The following LITAF variants were observed in gnomAD, a reference collection of about 807,000 sequenced individuals.
LITAF encodes the protein lipopolysaccharide induced TNF factor.
A neutral mutation model predicts 14.5 loss-of-function variants in LITAF; 9 were observed. The ratio of observed to expected loss-of-function variants is 0.62; its 90% CI spans 0.37 to 1.08. LITAF has a LOEUF of 1.08. Among genes scored for constraint, LITAF ranks in the 50% least tolerant of loss-of-function variants. The probability of loss-of-function intolerance (pLI) is 0.01; values close to 1 mark genes in which losing one functional copy is unlikely to be tolerated. For missense variants in LITAF, 206 were observed against 213.4 expected, an observed-to-expected ratio of 0.97 and a Z score of 0.22; for synonymous variants, 98 against 88.2, an observed-to-expected ratio of 1.11 and a Z score of -0.62.
At chr16:11,587,451 C>A (rs1278387270), upstream of LITAF, 3 of 453,918 alleles carry the variant, frequency 6.6e-6, no homozygotes, top group Admixed American at 2.4e-5. Flanking sequence ...TGCCTTCGGG[C>A]ATGTTACCCA....
intron 3 of LITAF, among the ~76,000 whole-genome samples, chr16:11,552,753 A>G (rs1306979194): frequency 6.6e-6 from 1 of 152,136 alleles, no homozygotes; most frequent in East Asian, 1.9e-4. Context: ...TGCTCCTAGC[A>G]TTAAGCGGGT....
chr16:11,619,496 CAGG>C (rs576690399), intron 3 of LITAF, among the ~76,000 whole-genome samples: 2 of 152,156 alleles, frequency 1.3e-5, no homozygotes, highest in African/African-American at 4.8e-5. Flanking sequence ...GAGACAGAAA[CAGG>C]AGAAGCAAGC....
intron 3 of LITAF, among the ~76,000 whole-genome samples, chr16:11,613,412 C>T (rs1410757659): frequency 1.3e-5 from 2 of 152,236 alleles, no homozygotes; most frequent in South Asian, 4.1e-4. Flanking sequence ...GGTCCCAGGG[C>T]TGCCTTCTCC....
At chr16:11,559,945 G>A (rs1230557527) in intron 1 of LITAF, among the ~76,000 whole-genome samples, 2 of 151,810 alleles carry the variant, frequency 1.3e-5, no homozygotes, top group Non-Finnish European at 2.9e-5. Context: ...CCGTGACTGC[G>A]CCACTGCACT....
upstream of LITAF, among the ~76,000 whole-genome samples, chr16:11,589,789 T>A (rs1212803839): frequency 6.6e-6 from 1 of 151,488 alleles, no homozygotes; most frequent in Non-Finnish European, 1.5e-5. Context: ...CAGCTAGTTT[T>A]TTTTTGTAAT....
At chr16:11,597,581 G>A (rs1157178975) in intron 1 of LITAF, among the ~76,000 whole-genome samples, 1 of 152,160 alleles carries the variant, frequency 6.6e-6, no homozygotes, top group African/African-American at 2.4e-5. Context: ...AACCCAAGCT[G>A]TCTGGCTCTA....
chr16:11,629,793 G>A (rs1055671500), intron 3 of LITAF, among the ~76,000 whole-genome samples: 1 of 152,180 alleles, frequency 6.6e-6, no homozygotes, highest in Non-Finnish European at 1.5e-5. Context: ...AGTCTCCAGC[G>A]TGGAGCTCCA....
At position 11,582,907 on chromosome 16, in the gene LITAF, G is replaced by C. The variant is rs546771008; in HGVS notation, c.-6+3979C>G. Among the ~76,000 whole-genome samples, 3 of 152,278 alleles carry C rather than the reference G, an allele frequency of 2.0e-5. No individual in the cohort carries two copies. In the East Asian group the frequency reaches 5.8e-4, roughly 29 times the overall value. On this transcript the variant is annotated intron_variant, in intron 1 of 3. Coordinates refer to ENST00000622633, the MANE Select transcript of LITAF (RefSeq NM_001136472.2). ...TAAACTAAGGAGGGTCACCTGGCAG[G>C]TTTTAAGCTACAATAATTCTGCAAT... is the stretch of plus-strand genomic sequence containing the variant.
In LITAF at chr16:11,617,426, CTT is replaced by C. The variant is rs71136673; in HGVS notation, c.85+16105_85+16106del. On this transcript the variant is annotated intron_variant, in intron 3 of 3. Coordinates refer to the LITAF transcript ENST00000574848. ...CAATATATCAATATATGGCTTCACT[CTT>C]TTTTTTTTTTTTTTTTTTTTTTGAG... 2.4e-3 allele frequency among the ~76,000 whole-genome samples: 178 copies of C among 73,738 alleles called. 1 individual carries two copies. The highest frequency in any genetic ancestry group is 8.7e-3 in the African/African-American group (157 of 18,094). The allele number at this position is 73,738 out of a possible 152,430, so 48.4% of individuals were successfully genotyped here. A position where few individuals can be genotyped will look rare whatever the true frequency, so the allele number is the denominator to read the frequency against.
At chr16:11,617,159 G>A (rs927800101) in intron 3 of LITAF, among the ~76,000 whole-genome samples, 1 of 152,034 alleles carries the variant, frequency 6.6e-6, no homozygotes, top group Non-Finnish European at 1.5e-5. Context: ...GGCAGTAGTT[G>A]CAGTGAGCCG....
rs572178847 is a variant in LITAF, at chr16:11,617,361, A to T, written c.85+16172T>A. Among the ~76,000 whole-genome samples the T allele has an allele frequency of 7.3e-5, 11 of 151,304 alleles. No homozygotes were observed. In the East Asian group the frequency reaches 2.1e-3, roughly 29 times the overall value. On this transcript the variant is annotated intron_variant, in intron 3 of 3. Coordinates refer to the LITAF transcript ENST00000574848. ...AGGCTGCCCAGGCTTGCAGGCTTCC[A>T]TTCTGTCTTATCAAGTTCTGAAAGC...
At chr16:11,600,382 C>G (rs1232698574), upstream of LITAF, among the ~76,000 whole-genome samples, 1 of 152,252 alleles carries the variant, frequency 6.6e-6, no homozygotes, top group East Asian at 1.9e-4. The surrounding 1 kb of genome is among the most constrained non-coding windows in gnomAD (Gnocchi z 4.1). Context: ...TTAGTCACTG[C>G]TGTGTCCCAG....
chr16:11,636,137 T>C (rs1348023117), intron 1 of LITAF: 1 of 152,226 alleles, frequency 6.6e-6, no homozygotes, highest in African/African-American at 2.4e-5. Context: ...CTTAGAAGGC[T>C]TGCAATTCTC....
At chr16:11,603,517 T>C (rs1262915609) in intron 3 of LITAF, among the ~76,000 whole-genome samples, 1 of 152,218 alleles carries the variant, frequency 6.6e-6, no homozygotes, top group African/African-American at 2.4e-5. Context: ...GGTCTTCATT[T>C]TCCAAAATGG....
intron 1 of LITAF, among the ~76,000 whole-genome samples, chr16:11,569,239 C>G (rs1167458813): frequency 1.3e-5 from 2 of 152,010 alleles, no homozygotes; most frequent in Admixed American, 6.6e-5. Context: ...GCCTGGTGCC[C>G]AAGATAAATT....
At chr16:11,587,525 C>A, upstream of LITAF, 1 of 441,932 alleles carries the variant, frequency 2.3e-6, no homozygotes. Context: ...CTCCTAAGAC[C>A]GACTGGGAGT....
At chr16:11,597,671 C>T (rs1444122083) in intron 1 of LITAF, among the ~76,000 whole-genome samples, 1 of 152,098 alleles carries the variant, frequency 6.6e-6, no homozygotes, top group Non-Finnish European at 1.5e-5. Flanking sequence ...GGCCACAGAA[C>T]CTAAGAACCT....
intron 1 of LITAF, among the ~76,000 whole-genome samples, chr16:11,595,897 A>C (rs533236640): frequency 9.8e-5 from 15 of 152,290 alleles, no homozygotes; most frequent in Middle Eastern, 3.4e-3. Context: ...ACTTATACTA[A>C]ACAATCATTT....
At chr16:11,622,740 A>G (rs967712414) in intron 3 of LITAF, among the ~76,000 whole-genome samples, 15 of 152,026 alleles carry the variant, frequency 9.9e-5, no homozygotes, top group Non-Finnish European at 1.6e-4. Flanking sequence ...CTGTGTGTTT[A>G]TTGTTCTGAA....
Sources: allele counts gnomAD v4.1 joint callset (sites outside exome capture counted in the v4.1 genomes callset), GRCh38; gene constraint gnomAD v4.1.1; non-coding constraint Gnocchi (gnomAD v3.1); transcripts MANE v1.5; gene names NCBI Gene and HGNC (gene_info 2026-07-23, HGNC 2026-07-21).